CC2D2B: variants seen among roughly 807,000 people sequenced by gnomAD.
CC2D2B encodes the protein protein CC2D2B.
In CC2D2B, 128 loss-of-function variants were observed where a neutral mutation model predicts 161.2. The ratio of observed to expected loss-of-function variants is 0.79; its 90% confidence interval spans 0.69 to 0.92. CC2D2B has a LOEUF of 0.92. Among genes scored for constraint, CC2D2B ranks in the 40% least tolerant of loss-of-function variants. The pLI is 0.00. For missense variants in CC2D2B, 1,173 were observed against 1,375.1 expected (o/e 0.85, Z 2.32); for synonymous variants, 391 against 449.8 (o/e 0.87, Z 1.65).
At chr10:95,973,159 A>T (rs1019409022) in intron 16 of CC2D2B, among the ~76,000 whole-genome samples, 1 of 151,974 alleles carries the variant, frequency 6.6e-6, no homozygotes, top group Admixed American at 6.6e-5. Flanking sequence ...GCGGGGGGAA[A>T]TGGGCAGAGA....
chr10:95,970,291 C>T (rs2077080677), intron 15 of CC2D2B, among the ~76,000 whole-genome samples: 1 of 152,150 alleles, frequency 6.6e-6, no homozygotes, highest in African/African-American at 2.4e-5. Flanking sequence ...GCCTCAGCCT[C>T]CCAAAGTGCT....
chr10:95,983,064 G>A (rs768730635), intron 18 of CC2D2B, among the ~76,000 whole-genome samples: 6 of 152,182 alleles, frequency 3.9e-5, no homozygotes, highest in Admixed American at 6.5e-5. Flanking sequence ...GAGCCACTGC[G>A]CCCAGCCTAC....
At chr10:95,934,200 C>G (rs1489821075) in intron 6 of CC2D2B, among the ~76,000 whole-genome samples, 7 of 152,084 alleles carry the variant, frequency 4.6e-5, no homozygotes, top group Non-Finnish European at 7.4e-5. Context: ...CCCGCCTACC[C>G]AAGCCTCAGT....
intron 20 of CC2D2B, among the ~76,000 whole-genome samples, chr10:95,988,562 T>G (rs2077822991): frequency 6.6e-6 from 1 of 152,146 alleles, no homozygotes; most frequent in Admixed American, 6.5e-5. Flanking sequence ...CATCCCAACC[T>G]TTTCTGTTTA....
At chr10:95,920,416 C>G (rs1184550607) in intron 2 of CC2D2B, 1 of 152,184 alleles carries the variant, frequency 6.6e-6, no homozygotes, top group Non-Finnish European at 1.5e-5. Context: ...CTTGTGAAAA[C>G]TCACTCACTA....
Position 96,024,839 on chromosome 10 carries a change from G to A in CC2D2B, c.3889-14G>A, listed in dbSNP as rs77537360. ...GTCTCTAGAATCTATTCTAACTTTG[G>A]TTGTCTATTTCAGCCTGAAGAAATA... On this transcript the variant is annotated splice_polypyrimidine_tract_variant and intron_variant, in intron 32 of 34. Transcript: ENST00000646931. The A allele has an allele frequency of 0.011, 15,157 of 1,437,082 alleles. 94 individuals carry two copies. Among genetic ancestry groups the A allele is most frequent in the Non-Finnish European group, 0.012 (12,797 of 1,046,180 alleles). The allele number at this position is 1,437,082 out of a possible 1,614,324, so 89.0% of individuals were successfully genotyped here. A position where few individuals can be genotyped will look rare whatever the true frequency, so the allele number is the denominator to read the frequency against.
intron 11 of CC2D2B, among the ~76,000 whole-genome samples, chr10:95,958,351 G>C (rs773023674): frequency 2.6e-5 from 4 of 152,082 alleles, no homozygotes; most frequent in Non-Finnish European, 4.4e-5. Context: ...AATTAGCCAA[G>C]TGTCATGGTG....
intron 2 of CC2D2B, chr10:95,919,399 T>G (rs2098522365): frequency 2.0e-5 from 3 of 152,234 alleles, no homozygotes; most frequent in Non-Finnish European, 4.4e-5. Flanking sequence ...AGGTACTGCC[T>G]TGGTGGTCTT....
In CC2D2B at chr10:95,924,796, A is replaced by G. The variant is rs1462689832; in HGVS notation, c.192A>G (p.Lys64=). Reference sequence around the variant, plus strand: ...TGTTTCAGATTAATAAAGGTGAAAAATCTTCAACTGAGCAGCTCATTGATA... The same window carrying G: ...TGTTTCAGATTAATAAAGGTGAAAAGTCTTCAACTGAGCAGCTCATTGATA... ...LKISKINKGE[K]SSTEQLIDSE... is the part of the protein sequence containing the mutation. Residue 64 remains lysine (K), a synonymous_variant, in exon 5 of 35, where the codon AAA becomes AAG. Transcript: ENST00000646931. 10 of 1,543,270 alleles carry G rather than the reference A, an allele frequency of 6.5e-6. No individual in the cohort carries two copies. In the South Asian group the frequency reaches 1.1e-4, roughly 17 times the overall value.
rs532776588 is a variant in CC2D2B at position 95,977,419 on chromosome 10, AC to A, written c.1943+3264del. On this transcript the variant is annotated intron_variant, in intron 17 of 34. Coordinates refer to ENST00000646931, the MANE Select transcript of CC2D2B (RefSeq NM_001349008.3). ...AACCAAAAACAAACAAACAAAAAAA[AC>A]ACCACACCTCTCTAACCTAAATGAT... 4.6e-3 allele frequency among the ~76,000 whole-genome samples: 701 copies of A among 152,198 alleles called. 3 individuals are homozygous for A. The highest frequency in any genetic ancestry group is 5.6e-3 in the South Asian group (27 of 4,826).
intron 29 of CC2D2B, among the ~76,000 whole-genome samples, chr10:96,015,518 TTC>T (rs897679859): frequency 6.6e-6 from 1 of 151,720 alleles, no homozygotes; most frequent in Admixed American, 6.6e-5. Flanking sequence ...TAAGAAAATG[TTC>T]TCTCTTTTTT....
intron 32 of CC2D2B, among the ~76,000 whole-genome samples, chr10:96,023,835 G>C (rs758616735): frequency 7.2e-5 from 11 of 152,222 alleles, no homozygotes; most frequent in Non-Finnish European, 1.2e-4. Flanking sequence ...CAGAGTTCCT[G>C]ATTCAGTAGT....
intron 6 of CC2D2B, among the ~76,000 whole-genome samples, chr10:95,935,300 C>G (rs1265267686): frequency 2.0e-5 from 3 of 152,134 alleles, no homozygotes; most frequent in African/African-American, 7.2e-5. Flanking sequence ...TCTTACAAAC[C>G]CTGTTGGTTC....
At chr10:95,984,993 T>G (rs2141615962) in intron 19 of CC2D2B, among the ~76,000 whole-genome samples, 1 of 152,268 alleles carries the variant, frequency 6.6e-6, no homozygotes, top group Admixed American at 6.5e-5. Context: ...AATATACCAG[T>G]AAAAACCCAC....
At chr10:95,962,427 A>C (rs1210490494) in intron 12 of CC2D2B, among the ~76,000 whole-genome samples, 1 of 152,218 alleles carries the variant, frequency 6.6e-6, no homozygotes, top group Non-Finnish European at 1.5e-5. Context: ...GCTGAGCAAT[A>C]GAAACTTATT....
intron 30 of CC2D2B, chr10:96,018,705 T>C (rs2079313176): frequency 6.6e-6 from 1 of 151,700 alleles, no homozygotes; most frequent in African/African-American, 2.4e-5. Flanking sequence ...TGAGGATTTC[T>C]GGAGCTTTGG....
chr10:96,019,474 T>C lies in CC2D2B; in HGVS notation c.3765+137T>C, dbSNP rs2079360196. The C allele has an allele frequency of 4.5e-6, 4 of 887,058 alleles. No homozygotes were observed. In the Admixed American group the frequency reaches 7.8e-5, roughly 17 times the overall value. 54.9% of individuals were successfully genotyped at this position (887,058 alleles called of 1,614,324 possible). A position where few individuals can be genotyped will look rare whatever the true frequency, so the allele number is the denominator to read the frequency against. On this transcript the variant is annotated intron_variant, in intron 31 of 34. Transcript: ENST00000646931. The stretch of plus-strand genomic sequence containing the variant: ...GGCATGGGGCCGGGGCAATCTTTTA[T>C]CACTAAAGCTCCTCCAGGTGATTGT...
intron 33 of CC2D2B, among the ~76,000 whole-genome samples, chr10:96,026,904 C>T (rs1488259864): frequency 6.6e-6 from 1 of 152,182 alleles, no homozygotes; most frequent in African/African-American, 2.4e-5. Context: ...GGGCGGATCA[C>T]CTGAGGTCAG....
chr10:95,938,313 G>T, intron 7 of CC2D2B, 124 bp downstream of exon 7: 1 of 695,100 alleles, frequency 1.4e-6, no homozygotes. Flanking sequence ...TTCTATATTT[G>T]TTTTTCATGA....
Sources: gnomAD v4.1 joint callset for allele counts (sites outside exome capture counted in the v4.1 genomes callset) on GRCh38, gnomAD v4.1.1 for gene constraint, MANE v1.5 for transcripts, NCBI Gene and HGNC (gene_info 2026-07-23, HGNC 2026-07-21) for gene names.